Variants in ARHGAP29 observed in about 807,000 individuals in gnomAD.
ARHGAP29 encodes the protein Rho GTPase activating protein 29.
Under a neutral mutation model 122.6 loss-of-function variants are expected in ARHGAP29, and 43 were observed. The ratio of observed to expected loss-of-function variants is 0.35; its 90% CI spans 0.27 to 0.45. The LOEUF is 0.45. Ranked by LOEUF, ARHGAP29 falls within the 20% of genes least tolerant of loss-of-function variation. The pLI, the probability that ARHGAP29 is intolerant of heterozygous loss-of-function variation, is 1.00. For synonymous variants in ARHGAP29, 506 were observed against 497.1 expected (o/e 1.02, Z -0.24); for missense variants, 1,303 against 1,477.2 (o/e 0.88, Z 1.93).
chr1:94,235,087 C>G (rs1653169404), intron 1 of ARHGAP29, among the ~76,000 whole-genome samples: 1 of 152,088 alleles, frequency 6.6e-6, no homozygotes, highest in South Asian at 2.1e-4. Flanking sequence ...AAGAGGAACT[C>G]TTTTCCTCTT....
intron 1 of ARHGAP29, among the ~76,000 whole-genome samples, chr1:94,268,589 G>A (rs995224504): frequency 2.0e-5 from 3 of 152,084 alleles, no homozygotes; most frequent in Non-Finnish European, 2.9e-5. Context: ...CTAGAATAGT[G>A]CCAGGGACAC....
the ARHGAP29 span, among the ~76,000 whole-genome samples, chr1:94,281,643 A>C: frequency 6.6e-6 from 1 of 152,210 alleles, no homozygotes; most frequent in African/African-American, 2.4e-5. Context: ...TTATGTGCAC[A>C]TAGACTTCTC....
At chr1:94,180,002 T>C (rs1158291274) in intron 19 of ARHGAP29, 45 bp from the exon 20 acceptor site, 1 of 1,366,072 alleles carries the variant, frequency 7.3e-7, no homozygotes, top group African/African-American at 1.5e-5. Flanking sequence ...TATTTTTTTC[T>C]GTTAATAATC....
At chr1:94,193,208 AAG>A (rs1467582533) in intron 12 of ARHGAP29, 1 of 152,120 alleles carries the variant, frequency 6.6e-6, no homozygotes, top group Non-Finnish European at 1.5e-5. Flanking sequence ...ACCAAAGGAA[AAG>A]AGACTGTGAA....
intron 1 of ARHGAP29, among the ~76,000 whole-genome samples, chr1:94,234,677 T>A (rs1209090059): frequency 2.0e-5 from 3 of 152,332 alleles, no homozygotes; most frequent in African/African-American, 7.2e-5. Context: ...ATTATTATTA[T>A]ATCTAAGTCT....
intron 12 of ARHGAP29, among the ~76,000 whole-genome samples, chr1:94,196,413 T>C (rs961454842): frequency 2.0e-5 from 3 of 150,594 alleles, no homozygotes; most frequent in Non-Finnish European, 4.4e-5. Flanking sequence ...AGGCGCCCGC[T>C]ACCACGCCCG....
chr1:94,265,203 C>G (rs1464568647), intron 1 of ARHGAP29, among the ~76,000 whole-genome samples: 1 of 152,220 alleles, frequency 6.6e-6, no homozygotes, highest in East Asian at 1.9e-4. Flanking sequence ...AGCATCCTGA[C>G]TTGCTTCTGA....
At chr1:94,259,366 A>G (rs1451671153) in intron 1 of ARHGAP29, among the ~76,000 whole-genome samples, 1 of 152,220 alleles carries the variant, frequency 6.6e-6, no homozygotes, top group Admixed American at 6.5e-5. Context: ...TATTAATTTG[A>G]CCAAAGATTG....
intron 1 of ARHGAP29, among the ~76,000 whole-genome samples, chr1:94,274,343 G>A (rs768621830): frequency 8.5e-5 from 13 of 152,214 alleles, no homozygotes; most frequent in Non-Finnish European, 1.6e-4. Flanking sequence ...GATTTGGTTA[G>A]TGGGCCTAAT....
At chr1:94,286,153 G>A in the ARHGAP29 span, among the ~76,000 whole-genome samples, 5 of 152,148 alleles carry the variant, frequency 3.3e-5, no homozygotes, top group African/African-American at 7.2e-5. Context: ...TCTCTTCCTG[G>A]CTTGCAGATG....
At chr1:94,215,907 A>C (rs1314827129) in intron 3 of ARHGAP29, among the ~76,000 whole-genome samples, 1 of 149,744 alleles carries the variant, frequency 6.7e-6, no homozygotes, top group Non-Finnish European at 1.5e-5. Flanking sequence ...AAGGTCAATT[A>C]ACATAAAAGG....
At position 94,174,122 on chromosome 1, in the gene ARHGAP29, C is replaced by G. The variant is rs1429452415; in HGVS notation, c.3533G>C (p.Gly1178Ala). 1 of 1,614,134 alleles carries G rather than the reference C, an allele frequency of 6.2e-7. No homozygotes were observed. Among genetic ancestry groups the G allele is most frequent in the Non-Finnish European group, 8.5e-7 (1 of 1,180,036 alleles). Residue 1178 changes from glycine (G) to alanine (A), a missense_variant, in exon 23 of 23, where the codon GGG becomes GCG. Gly to Ala is a moderately conservative substitution (Grantham distance 60, BLOSUM62 0). Coordinates refer to ENST00000260526, the MANE Select transcript of ARHGAP29 (RefSeq NM_004815.4). ...GGGTGAAGCTGGCTTCTCCTCATTCCCCCTGATACTGATGATGGGAGCATG... is the reference window on the plus strand; with the variant it reads ...GGGTGAAGCTGGCTTCTCCTCATTCGCCCTGATACTGATGATGGGAGCATG... Reference protein sequence around the residue: ...KPHAPIISIRGNEEKPASPSA... With the variant: ...KPHAPIISIRANEEKPASPSA...
rs1323215220 is a variant in ARHGAP29, at chr1:94,196,261, T to TC, written c.1281+5458_1281+5459insG. Among the ~76,000 whole-genome samples the TC allele has an allele frequency of 2.1e-4, 26 of 123,568 alleles. No individual in the cohort carries two copies. In the South Asian group the frequency reaches 4.3e-3, roughly 21 times the overall value. The allele number at this position is 123,568 out of a possible 152,430, so 81.1% of individuals were successfully genotyped here. A position where few individuals can be genotyped will look rare whatever the true frequency, so the allele number is the denominator to read the frequency against. On this transcript the variant is annotated intron_variant, in intron 12 of 22. Coordinates refer to ENST00000260526, the MANE Select transcript of ARHGAP29 (RefSeq NM_004815.4). ...TTCGATTTTTCCGTGTTTTTCTTTT[T>TC]TTTTTTTTTTTTTTTTTTGAGACGG...
At chr1:94,181,231 C>A (rs1366920011) in intron 19 of ARHGAP29, among the ~76,000 whole-genome samples, 1 of 152,196 alleles carries the variant, frequency 6.6e-6, no homozygotes, top group East Asian at 1.9e-4. Flanking sequence ...GACTCAGGGA[C>A]TGTCAGCACT....
intron 12 of ARHGAP29, among the ~76,000 whole-genome samples, chr1:94,198,872 CTTAAATACTCAAACAA>C (rs1234499357): frequency 6.6e-6 from 1 of 152,134 alleles, no homozygotes; most frequent in African/African-American, 2.4e-5. Context: ...GTCAAAGAAC[CTTAAATACTCAAACAA>C]TTCTATAAAA....
intron 1 of ARHGAP29, among the ~76,000 whole-genome samples, chr1:94,254,011 C>T (rs1455065727): frequency 1.3e-5 from 2 of 152,176 alleles, no homozygotes; most frequent in African/African-American, 4.8e-5. Context: ...TATTATCATC[C>T]AACCATTTAG....
At chr1:94,211,287 C>CCAAA (rs1371295014) in intron 3 of ARHGAP29, among the ~76,000 whole-genome samples, 2 of 36,006 alleles carry the variant, frequency 5.6e-5, no homozygotes, top group African/African-American at 2.2e-4. Context: ...GCTCTGGCTC[C>CCAAA]AAAAAAAAAA....
At chr1:94,241,148 C>T (rs1388120096), upstream of ARHGAP29, among the ~76,000 whole-genome samples, 1 of 152,108 alleles carries the variant, frequency 6.6e-6, no homozygotes, top group East Asian at 1.9e-4. Flanking sequence ...GTTCTATATC[C>T]AATTACCACT....
At chr1:94,299,958 CTG>C in the ARHGAP29 span, among the ~76,000 whole-genome samples, 1 of 152,086 alleles carries the variant, frequency 6.6e-6, no homozygotes. Context: ...AGATTTAACT[CTG>C]TGAATTATGA....
Sources: allele counts gnomAD v4.1 joint callset (sites outside exome capture counted in the v4.1 genomes callset), GRCh38; gene constraint gnomAD v4.1.1; transcripts MANE v1.5; gene names NCBI Gene and HGNC (gene_info 2026-07-23, HGNC 2026-07-21).